The following CFDP1 variants were observed in gnomAD, a reference collection of about 807,000 sequenced individuals.
CFDP1 encodes chromatin remodeling protein CFDP1.
Under a neutral mutation model 40.1 loss-of-function variants are expected in CFDP1, and 31 were observed. That is an observed-to-expected ratio of 0.77 (90% CI 0.58 to 1.04). The LOEUF (loss-of-function observed/expected upper bound fraction) is 1.04. CFDP1 is among the 50% of genes least tolerant of loss of function. CFDP1 has a pLI of 0.00. For synonymous variants in CFDP1, 167 were observed against 120.0 expected (o/e 1.39, Z -2.56); for missense variants, 423 against 343.4 (o/e 1.23, Z -1.83).
chr16:75,411,822 T>C lies in CFDP1; in HGVS notation c.530+3A>G. The C allele has an allele frequency of 1.2e-6, 2 of 1,608,268 alleles. No individual in the cohort carries two copies. The highest frequency in any genetic ancestry group is 1.7e-6 in the Non-Finnish European group (2 of 1,178,842). On this transcript the variant is annotated splice_donor_region_variant and intron_variant, in intron 4 of 6. Coordinates refer to ENST00000283882, the MANE Select transcript of CFDP1 (RefSeq NM_006324.3). ...GTTTCAAAGTTTTTGAAGGTTCTCTTACCTTACTTCTTCACCAGCAAAATC... is the reference window on the plus strand; with the variant it reads ...GTTTCAAAGTTTTTGAAGGTTCTCTCACCTTACTTCTTCACCAGCAAAATC...
At chr16:75,345,840 T>TTC (rs1481855765) in intron 5 of CFDP1, among the ~76,000 whole-genome samples, 1 of 152,180 alleles carries the variant, frequency 6.6e-6, no homozygotes, top group Non-Finnish European at 1.5e-5. Context: ...TTGAAAAATG[T>TTC]TCAAGGCACA....
chr16:75,361,600 G>GGCTGTTGTTTAATGGTC (rs2078679688), intron 5 of CFDP1, among the ~76,000 whole-genome samples: 2 of 152,092 alleles, frequency 1.3e-5, no homozygotes, highest in Non-Finnish European at 2.9e-5. Flanking sequence ...CTGGGCAACA[G>GGCTGTTGTTTAATGGTC]AGCAAGACTA....
At chr16:75,347,359 A>AAAAAAAAAAAGAAAAAG (rs1555556963) in intron 5 of CFDP1, among the ~76,000 whole-genome samples, 1 of 53,668 alleles carries the variant, frequency 1.9e-5, no homozygotes, top group Non-Finnish European at 3.3e-5. Context: ...AAAAAAAAAA[A>AAAAAAAAAAAGAAAAAG]AAAAAGAAAA....
At chr16:75,339,607 C>G (rs1322682997) in intron 5 of CFDP1, among the ~76,000 whole-genome samples, 1 of 152,218 alleles carries the variant, frequency 6.6e-6, no homozygotes, top group Non-Finnish European at 1.5e-5. Flanking sequence ...GCAGGATATG[C>G]AGGGCTTCTG....
chr16:75,347,390 G>C (rs1001755308), intron 5 of CFDP1, among the ~76,000 whole-genome samples: 123 of 105,810 alleles, frequency 1.2e-3, no homozygotes, highest in African/African-American at 3.6e-3. Flanking sequence ...AAAGAAAAAA[G>C]AAAAAAAAAG....
At chr16:75,430,125 T>C (rs1036967222) in intron 1 of CFDP1, among the ~76,000 whole-genome samples, 10 of 152,222 alleles carry the variant, frequency 6.6e-5, no homozygotes, top group African/African-American at 2.4e-4. Flanking sequence ...CAGAAAGGAA[T>C]GTCTGGGTTA....
intron 5 of CFDP1, among the ~76,000 whole-genome samples, chr16:75,360,425 A>G (rs907952296): frequency 2.0e-5 from 3 of 152,260 alleles, no homozygotes; most frequent in Non-Finnish European, 4.4e-5. Context: ...CAAAAAGAAA[A>G]TAACTATGGT....
At chr16:75,422,838 CCT>C (rs2079295773) in intron 1 of CFDP1, among the ~76,000 whole-genome samples, 1 of 144,558 alleles carries the variant, frequency 6.9e-6, no homozygotes, top group Admixed American at 6.9e-5. Flanking sequence ...GGAGCAAAAC[CCT>C]GTTTCTTTTA....
At chr16:75,429,712 G>A (rs1463093525) in intron 1 of CFDP1, among the ~76,000 whole-genome samples, 1 of 152,180 alleles carries the variant, frequency 6.6e-6, no homozygotes, top group Non-Finnish European at 1.5e-5. Flanking sequence ...CAAAGTGGAG[G>A]CCAGAAGGCA....
chr16:75,416,909 G>A (rs1467831298), intron 1 of CFDP1, among the ~76,000 whole-genome samples: 3 of 152,174 alleles, frequency 2.0e-5, no homozygotes, highest in African/African-American at 7.2e-5. Flanking sequence ...AAGTGACAGT[G>A]TTTCATGAAG....
intron 5 of CFDP1, among the ~76,000 whole-genome samples, chr16:75,345,281 AC>A (rs887131546): frequency 6.6e-6 from 1 of 151,912 alleles, no homozygotes; most frequent in African/African-American, 2.4e-5. Flanking sequence ...CCATAGCAAA[AC>A]CCTGTCTCTA....
chr16:75,376,349 C>T lies in CFDP1; in HGVS notation c.650+18741G>A, dbSNP rs191238670. On this transcript the variant is annotated intron_variant, in intron 5 of 6. Transcript: ENST00000283882. The stretch of plus-strand genomic sequence containing the variant: ...CAAAAAGATTTGGAAATAACCCATA[C>T]GTTTATCAGCAGGATAGATGGATAA... Among the ~76,000 whole-genome samples the T allele has an allele frequency of 9.3e-4, 142 of 152,204 alleles. 1 individual carries two copies. Among genetic ancestry groups the T allele is most frequent in the Admixed American group, 3.5e-3 (53 of 15,290 alleles).
chr16:75,407,629 T>C (rs1450680067), intron 4 of CFDP1, among the ~76,000 whole-genome samples: 1 of 129,894 alleles, frequency 7.7e-6, no homozygotes, highest in African/African-American at 2.9e-5. Context: ...GAGGCTAGCG[T>C]GAATGACAGA....
At chr16:75,352,483 A>G (rs185501642) in intron 5 of CFDP1, among the ~76,000 whole-genome samples, 15 of 152,354 alleles carry the variant, frequency 9.8e-5, no homozygotes, top group African/African-American at 3.1e-4. Flanking sequence ...CAACAAATAA[A>G]TGAAGAAATG....
intron 5 of CFDP1, among the ~76,000 whole-genome samples, chr16:75,310,531 A>G (rs1169077026): frequency 6.6e-6 from 1 of 152,254 alleles, no homozygotes; most frequent in African/African-American, 2.4e-5. Context: ...AGCAAAAGAA[A>G]TGTAATTTTA....
chr16:75,335,825 G>T (rs539139587), intron 5 of CFDP1, among the ~76,000 whole-genome samples: 11 of 151,988 alleles, frequency 7.2e-5, no homozygotes, highest in Non-Finnish European at 1.6e-4. Context: ...CAAAGTGCTG[G>T]GATTACAGGT....
intron 5 of CFDP1, among the ~76,000 whole-genome samples, chr16:75,385,802 T>C (rs1056665801): frequency 9.9e-5 from 15 of 152,214 alleles, no homozygotes; most frequent in African/African-American, 3.6e-4. Context: ...CCAAAATATA[T>C]TCACTTCATT....
At position 75,294,012 on chromosome 16, in the gene CFDP1, T is replaced by C. The variant is rs368174611; in HGVS notation, c.840A>G (p.Arg280=). Residue 280 remains arginine (R), a synonymous_variant, in exon 7 of 7, where the codon CGA becomes CGG. Coordinates refer to ENST00000283882, the MANE Select transcript of CFDP1 (RefSeq NM_006324.3). ...CAATTTCAAACTGCCTGTGATCCAC[T>C]CGGTCAAGGAAGGCTTTCCGTTCAA... The part of the protein sequence containing the change: ...GYIERKAFLD[R]VDHRQFEIER... 2.5e-6 allele frequency: 4 copies of C among 1,614,114 alleles called. No individual in the cohort carries two copies. The highest frequency in any genetic ancestry group is 2.5e-6 in the Non-Finnish European group (3 of 1,179,988).
At chr16:75,318,408 CT>C (rs11437738) in intron 5 of CFDP1, among the ~76,000 whole-genome samples, 234 of 138,464 alleles carry the variant, frequency 1.7e-3, no homozygotes, top group Middle Eastern at 3.8e-3. Flanking sequence ...TTCTTTCTTT[CT>C]TTTTTTTTTT....
Sources: allele counts gnomAD v4.1 joint callset (sites outside exome capture counted in the v4.1 genomes callset), GRCh38; gene constraint gnomAD v4.1.1; transcripts MANE v1.5; gene names NCBI Gene and HGNC (gene_info 2026-07-23, HGNC 2026-07-21).